FRAS1: variants seen among roughly 807,000 people sequenced by gnomAD.
FRAS1 encodes extracellular matrix organizing protein FRAS1.
Under a neutral mutation model 435.2 loss-of-function variants are expected in FRAS1, and 290 were observed. The ratio of observed to expected loss-of-function variants is 0.67; its 90% CI spans 0.61 to 0.73. FRAS1 has a LOEUF of 0.73. Ranked by LOEUF, FRAS1 falls within the 30% of genes least tolerant of loss-of-function variation. FRAS1 has a pLI of 0.00. For missense variants in FRAS1, 4,860 were observed against 5,001.5 expected (o/e 0.97, Z 0.85); for synonymous variants, 1,800 against 1,851.0 (o/e 0.97, Z 0.71).
Position 78,445,567 on chromosome 4 carries a change from T to A in FRAS1, c.5711T>A (p.Phe1904Tyr), listed in dbSNP as rs1718790597. 6 of 1,611,002 alleles carry A rather than the reference T, an allele frequency of 3.7e-6. No homozygotes were observed. Among genetic ancestry groups the A allele is most frequent in the Non-Finnish European group, 4.2e-6 (5 of 1,178,172 alleles). ...ACTGCCAGTGACCTAGAGGCATCAT[T>A]TCCTATTCAAGACGTCCTGGAAAAC... Reference protein sequence around the residue: ...PETASDLEASFPIQDVLENYI... With the variant: ...PETASDLEASYPIQDVLENYI... Residue 1904 changes from phenylalanine (F) to tyrosine (Y), a missense_variant, in exon 42 of 74, where the codon TTT (phenylalanine) becomes TAT (tyrosine). Physicochemically the swap from Phe to Tyr is conservative, Grantham distance 22. Transcript: ENST00000512123.
At chr4:78,205,633 G>T (rs1203071679) in intron 2 of FRAS1, among the ~76,000 whole-genome samples, 1 of 152,346 alleles carries the variant, frequency 6.6e-6, no homozygotes, top group East Asian at 1.9e-4. Context: ...GTAGAAAAGA[G>T]AAATTTTAAA....
chr4:78,231,116 A>G (rs1724501992), intron 2 of FRAS1, among the ~76,000 whole-genome samples: 1 of 151,684 alleles, frequency 6.6e-6, no homozygotes, highest in South Asian at 2.1e-4. Flanking sequence ...CACCATGCCC[A>G]GCAATTTTTT....
chr4:78,374,031 T>G, intron 24 of FRAS1, 80 bp from the exon 25 acceptor site: 1 of 1,395,630 alleles, frequency 7.2e-7, no homozygotes, highest in African/African-American at 1.4e-5. Context: ...CTGCTGGACA[T>G]CTCATGCTGC....
At chr4:78,282,511 A>T (rs1280091247) in intron 11 of FRAS1, among the ~76,000 whole-genome samples, 1 of 152,240 alleles carries the variant, frequency 6.6e-6, no homozygotes, top group East Asian at 1.9e-4. Context: ...GTTGAGAAAC[A>T]AGTTTTAAAT....
chr4:78,318,245 G>A (rs1003838929), intron 17 of FRAS1, among the ~76,000 whole-genome samples: 7 of 152,196 alleles, frequency 4.6e-5, no homozygotes, highest in African/African-American at 1.7e-4. Flanking sequence ...GCACCAGATA[G>A]TTTGACTACC....
intron 16 of FRAS1, 73 bp from the exon 17 acceptor site, chr4:78,317,295 G>T (rs548243543): frequency 6.4e-7 from 1 of 1,568,270 alleles, no homozygotes. Flanking sequence ...CCAGGCCCGT[G>T]AAGCCCAGCC....
intron 18 of FRAS1, among the ~76,000 whole-genome samples, chr4:78,329,292 C>G (rs1462632744): frequency 6.6e-6 from 1 of 152,168 alleles, no homozygotes; most frequent in Non-Finnish European, 1.5e-5. Flanking sequence ...GGTTCGAGCT[C>G]GAGAAGGAAT....
At chr4:78,249,060 TATGCATATATATATATATATATATATGC>T (rs1725393028) in intron 4 of FRAS1, among the ~76,000 whole-genome samples, 1 of 59,916 alleles carries the variant, frequency 1.7e-5, no homozygotes, top group South Asian at 8.3e-4. Flanking sequence ...TATATATATA[TATGCATATATATATATATATATATATGC>T]ATGTGCTGAT....
At chr4:78,457,724 C>A (rs1719248550) in intron 47 of FRAS1, among the ~76,000 whole-genome samples, 1 of 152,202 alleles carries the variant, frequency 6.6e-6, no homozygotes, top group Non-Finnish European at 1.5e-5. Flanking sequence ...CTTCAGGGAA[C>A]CCTTTCTTGC....
At chr4:78,331,636 C>T (rs1048456454) in intron 18 of FRAS1, among the ~76,000 whole-genome samples, 7 of 152,190 alleles carry the variant, frequency 4.6e-5, no homozygotes, top group Non-Finnish European at 4.4e-5. Context: ...TCCAAGCCAG[C>T]TGAGGCACAG....
chr4:78,252,785 A>G (rs1270653594), intron 5 of FRAS1, among the ~76,000 whole-genome samples: 1 of 152,160 alleles, frequency 6.6e-6, no homozygotes, highest in Non-Finnish European at 1.5e-5. Flanking sequence ...GCAAGTTTTT[A>G]TTAGAGATTT....
Position 78,478,037 on chromosome 4 carries a change from C to A in FRAS1, c.8074C>A (p.Leu2692Met), listed in dbSNP as rs1165268318. 3 of 1,575,180 alleles carry A rather than the reference C, an allele frequency of 1.9e-6. No homozygotes were observed. The highest frequency in any genetic ancestry group is 2.6e-6 in the Non-Finnish European group (3 of 1,159,544). ...CTGGGTTAACGAGAGCGCTGGTTTT[C>A]TGTTTGCACCTATTGAAAGAAAAGG... ...IYWVNESAGF[L>M]FAPIERKGDA... Residue 2692 changes from leucine (L) to methionine (M), a missense_variant, in exon 55 of 74, where the codon CTG (leucine) becomes ATG (methionine). Physicochemically the swap from Leu to Met is conservative, Grantham distance 15. Coordinates refer to ENST00000512123, the MANE Select transcript of FRAS1 (RefSeq NM_025074.7).
In FRAS1 at chr4:78,266,911, C is replaced by G. The variant is rs770630050; in HGVS notation, c.765C>G (p.Ala255=). The change falls in exon 8 of 74, where the codon GCC becomes GCG. Residue 255 remains alanine (A), a synonymous_variant. Transcript: ENST00000512123. The stretch of plus-strand genomic sequence containing the variant: ...GTGAGGTCAGGTGTCACAAGCAGGC[C>G]TGCCTGCCCCTGAGATGCGGAAAGG... ...DRGEVRCHKQ[A]CLPLRCGKGQ... 20 of 1,606,644 alleles carry G rather than the reference C, an allele frequency of 1.2e-5. No individual in the cohort carries two copies. In the South Asian group the frequency reaches 2.2e-4, roughly 18 times the overall value.
intron 65 of FRAS1, among the ~76,000 whole-genome samples, chr4:78,515,244 T>A (rs982340622): frequency 2.6e-5 from 4 of 151,000 alleles, no homozygotes; most frequent in Non-Finnish European, 5.9e-5. Context: ...ATTTACTCAC[T>A]AACAAAAAAT....
chr4:78,387,246 A>G, intron 28 of FRAS1, 129 bp from the exon 29 acceptor site: 1 of 668,248 alleles, frequency 1.5e-6, no homozygotes, highest in Non-Finnish European at 2.5e-6. Context: ...TTCACCATAG[A>G]ACAGTTTGGT....
At chr4:78,155,326 G>T (rs2110016735) in intron 2 of FRAS1, among the ~76,000 whole-genome samples, 1 of 152,188 alleles carries the variant, frequency 6.6e-6, no homozygotes. Flanking sequence ...TGCATGTAAT[G>T]TAAGAAAAAA....
chr4:78,376,661 T>C (rs1384840503), intron 26 of FRAS1, among the ~76,000 whole-genome samples: 1 of 152,132 alleles, frequency 6.6e-6, no homozygotes, highest in African/African-American at 2.4e-5. Flanking sequence ...ATGTTTCTAG[T>C]GGATGGATTT....
chr4:78,069,171 C>T (rs1397312151), intron 2 of FRAS1, among the ~76,000 whole-genome samples: 1 of 152,190 alleles, frequency 6.6e-6, no homozygotes, highest in Non-Finnish European at 1.5e-5. Flanking sequence ...GTAGAAGTGA[C>T]TTGAGAAATC....
intron 14 of FRAS1, among the ~76,000 whole-genome samples, chr4:78,299,782 G>A (rs1247600345): frequency 6.6e-6 from 1 of 152,208 alleles, no homozygotes; most frequent in African/African-American, 2.4e-5. Flanking sequence ...GACCCCTGTT[G>A]TCTTTTCAGC....
Sources: gnomAD v4.1 joint callset for allele counts (sites outside exome capture counted in the v4.1 genomes callset) on GRCh38, gnomAD v4.1.1 for gene constraint, MANE v1.5 for transcripts, NCBI Gene and HGNC (gene_info 2026-07-23, HGNC 2026-07-21) for gene names.